Variants in CCDC163 observed in about 807,000 individuals in gnomAD.
CCDC163 encodes CCDC163 homolog.
CCDC163 carries 13 observed loss-of-function variants against 8.2 expected under a neutral mutation model. The ratio of observed to expected loss-of-function variants is 1.59; its 90% CI spans 1.04 to 2.54. The LOEUF (loss-of-function observed/expected upper bound fraction) is 2.54, where lower values mean the gene tolerates loss of function less well. CCDC163 is among the 30% of genes most tolerant of loss of function. CCDC163 has a pLI of 0.00. For synonymous variants in CCDC163, 41 were observed against 30.9 expected, an observed-to-expected ratio of 1.33 and a Z score of -1.08; for missense variants, 117 against 78.6, an observed-to-expected ratio of 1.49 and a Z score of -1.85.
At chr1:45,495,709 C>T (rs1553161472) in intron 4 of CCDC163, among the ~76,000 whole-genome samples, 1 of 142,130 alleles carries the variant, frequency 7.0e-6, no homozygotes, top group Non-Finnish European at 1.5e-5. Context: ...CTCTGTCACC[C>T]AAGCTGGAGT....
chr1:45,497,664 A>G (rs1477821853), intron 2 of CCDC163, among the ~76,000 whole-genome samples: 1 of 90,274 alleles, frequency 1.1e-5, no homozygotes. Context: ...CTGGGAAGTG[A>G]GGAGCGTCTC....
rs1653946529 is a variant in CCDC163, at chr1:45,494,843, C to G, written c.*216G>C. On this transcript the variant is annotated 3_prime_UTR_variant, in exon 5 of 5. Transcript: ENST00000629482. Reference sequence around the variant, plus strand: ...CCTGTAATCCCAGCTACTTGGGAGGCTGAGGCAGGACAATTGCTTGAACCT... The same window carrying G: ...CCTGTAATCCCAGCTACTTGGGAGGGTGAGGCAGGACAATTGCTTGAACCT... 1.8e-6 allele frequency: 1 copy of G among 548,092 alleles called. No individual in the cohort carries two copies. Among genetic ancestry groups the G allele is most frequent in the East Asian group, 3.1e-5 (1 of 32,102 alleles). 34.0% of individuals were successfully genotyped at this position (548,092 alleles called of 1,614,324 possible).
intron 2 of CCDC163, among the ~76,000 whole-genome samples, chr1:45,497,694 C>T (rs1474501478): frequency 5.5e-5 from 3 of 54,406 alleles, no homozygotes; most frequent in African/African-American, 8.0e-5. Flanking sequence ...GCCACCCCGT[C>T]CGGGAGGGAG....
Position 45,495,151 on chromosome 1 carries a change from G to A in CCDC163, c.346C>T (p.Pro116Ser). Residue 116 changes from proline (P) to serine (S), a missense_variant, in exon 5 of 5, where the codon CCC (proline) becomes TCC (serine). Transcript: ENST00000629482. Reference protein sequence around the residue: ...VGSWKIPRGAPFLTWSPASFS... With the variant: ...VGSWKIPRGASFLTWSPASFS... ...GATGCTGGGCTCCAGGTTAGAAAGG[G>A]TGCTCCTCTGGGGATCTAAGAGGAA... 1 of 780,848 alleles carries A rather than the reference G, an allele frequency of 1.3e-6. No individual in the cohort carries two copies. The highest frequency in any genetic ancestry group is 1.3e-5 in the South Asian group (1 of 74,616). 48.4% of individuals were successfully genotyped at this position (780,848 alleles called of 1,614,324 possible).
Position 45,496,591 on chromosome 1 carries a change from C to A in CCDC163, c.295G>T (p.Ala99Ser). Reference protein sequence around the residue: ...QHQELLLKQLAEGRQAQVGSW... With the variant: ...QHQELLLKQLSEGRQAQVGSW... ...CCAACCTGAGCCTGTCGTCCCTCAG[C>A]CAGCTGTTTCAGCAGCAGCTCCTGG... Residue 99 changes from alanine to serine, a missense_variant, in exon 4 of 5, where the codon GCT (alanine) becomes TCT (serine). Ala to Ser is a moderately conservative substitution (Grantham distance 99). Coordinates refer to ENST00000629482, the MANE Select transcript of CCDC163 (RefSeq NM_001102601.3). The A allele has an allele frequency of 1.3e-6, 1 of 780,560 alleles. No homozygotes were observed. The highest frequency in any genetic ancestry group is 2.4e-5 in the East Asian group (1 of 41,246). The allele number at this position is 780,560 out of a possible 1,614,324, so 48.4% of individuals were successfully genotyped here.
intron 4 of CCDC163, 93 bp downstream of exon 4, chr1:45,496,463 G>T (rs957485668): frequency 1.4e-6 from 1 of 719,912 alleles, no homozygotes; most frequent in Non-Finnish European, 2.6e-6. Flanking sequence ...GGCAGGAGAG[G>T]GTATCCTGGC....
chr1:45,496,569 AC>A lies in CCDC163; in HGVS notation c.316del (p.Val106LeufsTer13). 1.3e-6 allele frequency: 1 copy of A among 780,648 alleles called. No homozygotes were observed. The highest frequency in any genetic ancestry group is 2.4e-5 in the East Asian group (1 of 41,248). The allele number at this position is 780,648 out of a possible 1,614,324, so 48.4% of individuals were successfully genotyped here. A position where few individuals can be genotyped will look rare whatever the true frequency, so the allele number is the denominator to read the frequency against. On this transcript the variant is annotated frameshift_variant, in exon 4 of 5. Transcript: ENST00000629482. LOFTEE classifies it low-confidence loss of function (END_TRUNC). The part of the protein sequence containing the change: ...KQLAEGRQAQ[V>X]GSWKIPRGAP... ...ACCTAGTCCTACCTTCCAACTGCCA[AC>A]CTGAGCCTGTCGTCCCTCAGCCAGC...
At chr1:45,497,981 CG>C (rs1643396321) in intron 2 of CCDC163, among the ~76,000 whole-genome samples, 1 of 147,190 alleles carries the variant, frequency 6.8e-6, no homozygotes, top group Non-Finnish European at 1.5e-5. Flanking sequence ...GGATGGTTGC[CG>C]TGTCTGTGTA....
At position 45,497,519 on chromosome 1, in the gene CCDC163, G is replaced by A. The variant is rs550723584; in HGVS notation, c.178-136C>T. 25 of 573,018 alleles carry A rather than the reference G, an allele frequency of 4.4e-5. 1 individual carries two copies. Among genetic ancestry groups the A allele is most frequent in the South Asian group, 3.5e-4 (17 of 48,506 alleles). 35.5% of individuals were successfully genotyped at this position (573,018 alleles called of 1,614,324 possible). A position where few individuals can be genotyped will look rare whatever the true frequency, so the allele number is the denominator to read the frequency against. On this transcript the variant is annotated intron_variant, in intron 2 of 4. Coordinates refer to ENST00000629482, the MANE Select transcript of CCDC163 (RefSeq NM_001102601.3). ...TCAAAGGCCTCAAGAAGGCAAGGCCGCACTCAGTGCTCAATGGCGCCCAGG... is the reference window on the plus strand; with the variant it reads ...TCAAAGGCCTCAAGAAGGCAAGGCCACACTCAGTGCTCAATGGCGCCCAGG...
intron 2 of CCDC163, among the ~76,000 whole-genome samples, chr1:45,497,691 C>G (rs1488448522): frequency 1.2e-4 from 1 of 8,396 alleles, no homozygotes; most frequent in Non-Finnish European, 2.5e-4. Context: ...GCAGCCACCC[C>G]GTCCGGGAGG....
intron 1 of CCDC163, 21 bp from the exon 2 acceptor site, chr1:45,499,464 C>G (rs781437428): frequency 2.6e-6 from 2 of 778,118 alleles, no homozygotes; most frequent in South Asian, 2.7e-5. Context: ...AACAGATGCA[C>G]AGGCCAATGA....
At chr1:45,497,659 A>C (rs1654305841) in intron 2 of CCDC163, among the ~76,000 whole-genome samples, 1 of 96,394 alleles carries the variant, frequency 1.0e-5, no homozygotes, top group African/African-American at 4.2e-5. Flanking sequence ...CCCGTCTGGG[A>C]AGTGAGGAGC....
chr1:45,499,484 G>A (rs991797852), intron 1 of CCDC163, 41 bp from the exon 2 acceptor site: 7 of 777,102 alleles, frequency 9.0e-6, no homozygotes, highest in Non-Finnish European at 1.7e-5. Flanking sequence ...AACTCTGAGA[G>A]TCCCTTAGCC....
chr1:45,499,381 A>G lies in CCDC163; in HGVS notation c.141T>C (p.Cys47=), dbSNP rs1643470880. 1 of 772,470 alleles carries G rather than the reference A, an allele frequency of 1.3e-6. No individual in the cohort carries two copies. Among genetic ancestry groups the G allele is most frequent in the Admixed American group, 1.7e-5 (1 of 58,640 alleles). The allele number at this position is 772,470 out of a possible 1,614,324, so 47.9% of individuals were successfully genotyped here. ...ELIGLCICFF[C]SSGCIFLGSP... is the part of the protein sequence containing the mutation. ...ACCCCAAGAAGATACAGCCACTGCT[A>G]CAGAAGAAACAGATGCACAGGCCAA... Residue 47 remains cysteine (C), a synonymous_variant, in exon 2 of 5, where the codon TGT becomes TGC. Transcript: ENST00000629482.
rs1653882677 is a variant in CCDC163 at position 45,494,230 on chromosome 1, TGGATCAGTTGA to T, written c.*818_*828del. The T allele has an allele frequency of 6.6e-6, 1 of 151,626 alleles. No homozygotes were observed. Among genetic ancestry groups the T allele is most frequent in the African/African-American group, 2.4e-5 (1 of 41,190 alleles). The allele number at this position is 151,626 out of a possible 1,614,324, so 9.4% of individuals were successfully genotyped here. A position where few individuals can be genotyped will look rare whatever the true frequency, so the allele number is the denominator to read the frequency against. ...GAACACTTTGGGAGGCCAAAGTTGG[TGGATCAGTTGA>T]GCCCAGGAGTTCGAGACCAGCCTGG... is the stretch of plus-strand genomic sequence containing the variant. On this transcript the variant is annotated 3_prime_UTR_variant, in exon 5 of 5. Coordinates refer to ENST00000629482, the MANE Select transcript of CCDC163 (RefSeq NM_001102601.3).
chr1:45,497,078 C>A (rs1050718934), intron 3 of CCDC163, among the ~76,000 whole-genome samples: 2 of 152,096 alleles, frequency 1.3e-5, no homozygotes, highest in African/African-American at 4.8e-5. Flanking sequence ...GAGGCTGAGG[C>A]AGGAGAATCG....
intron 2 of CCDC163, chr1:45,498,344 C>A (rs1321609488): frequency 1.3e-5 from 2 of 152,380 alleles, no homozygotes; most frequent in Non-Finnish European, 2.9e-5. Context: ...CCTGCCAAAT[C>A]CCCCTCTGTG....
At chr1:45,496,789 A>C (rs1458584246) in intron 3 of CCDC163, among the ~76,000 whole-genome samples, 166 bp from the exon 4 acceptor site, 1 of 152,342 alleles carries the variant, frequency 6.6e-6, no homozygotes, top group Middle Eastern at 3.4e-3. Context: ...ATGAGAGACA[A>C]AGAGTGCAAC....
chr1:45,500,040 T>C lies in CCDC163; in HGVS notation c.-431A>G, dbSNP rs1643502926. The C allele has an allele frequency of 3.8e-6, 2 of 530,698 alleles. No individual in the cohort carries two copies. Among genetic ancestry groups the C allele is most frequent in the African/African-American group, 3.8e-5 (2 of 52,630 alleles). 32.9% of individuals were successfully genotyped at this position (530,698 alleles called of 1,614,324 possible). A position where few individuals can be genotyped will look rare whatever the true frequency, so the allele number is the denominator to read the frequency against. Reference sequence around the variant, plus strand: ...CACCTGGGAAACTGAGGTCGCCTCTTGCGAACACAACCGGCGATGGAGGCG... The same window carrying C: ...CACCTGGGAAACTGAGGTCGCCTCTCGCGAACACAACCGGCGATGGAGGCG... On this transcript the variant is annotated 5_prime_UTR_variant, in exon 1 of 5. Coordinates refer to ENST00000629482, the MANE Select transcript of CCDC163 (RefSeq NM_001102601.3).
Sources: allele counts gnomAD v4.1 joint callset (sites outside exome capture counted in the v4.1 genomes callset), GRCh38; gene constraint gnomAD v4.1.1; transcripts MANE v1.5; gene names NCBI Gene and HGNC (gene_info 2026-07-23, HGNC 2026-07-21).